The following LHFPL3 variants were observed in gnomAD, a reference collection of about 807,000 sequenced individuals.
LHFPL3 encodes LHFPL tetraspan subfamily member 3 protein.
Under a neutral mutation model 19.3 loss-of-function variants are expected in LHFPL3, and 5 were observed. The observed-to-expected ratio is 0.26, with a 90% confidence interval of 0.14 to 0.54. LHFPL3 has a LOEUF of 0.54. LHFPL3 is among the 20% of genes least tolerant of loss of function. The pLI is 0.94. For missense variants in LHFPL3, 249 were observed against 307.4 expected (o/e 0.81, Z 1.42); for synonymous variants, 133 against 126.2 (o/e 1.05, Z -0.36).
chr7:104,774,383 C>T (rs762507533), intron 2 of LHFPL3, among the ~76,000 whole-genome samples: 1 of 152,208 alleles, frequency 6.6e-6, no homozygotes, highest in Non-Finnish European at 1.5e-5. Context: ...CCTCACCTCA[C>T]AGTACAGATG....
intron 1 of LHFPL3, among the ~76,000 whole-genome samples, chr7:104,538,154 C>T (rs1325308037): frequency 6.6e-6 from 1 of 152,148 alleles, no homozygotes; most frequent in East Asian, 1.9e-4. Flanking sequence ...CATGAATCAC[C>T]ACTGCATAAT....
chr7:104,484,988 A>T (rs1793210421), intron 1 of LHFPL3, among the ~76,000 whole-genome samples: 1 of 152,196 alleles, frequency 6.6e-6, no homozygotes, highest in Non-Finnish European at 1.5e-5. Context: ...GACACATTCC[A>T]AGCATAGCAG....
chr7:104,772,109 C>T (rs1009433557), intron 2 of LHFPL3, among the ~76,000 whole-genome samples: 9 of 152,172 alleles, frequency 5.9e-5, no homozygotes, highest in East Asian at 5.8e-4. Flanking sequence ...TGAGCCACAA[C>T]GCCCGGCCCT....
chr7:104,480,278 A>G (rs1346378232), intron 1 of LHFPL3, among the ~76,000 whole-genome samples: 1 of 152,164 alleles, frequency 6.6e-6, no homozygotes, highest in East Asian at 1.9e-4. Context: ...TACATTTGCA[A>G]ATCATCTAGC....
At chr7:104,451,440 C>T (rs1424683817) in intron 1 of LHFPL3, among the ~76,000 whole-genome samples, 1 of 152,074 alleles carries the variant, frequency 6.6e-6, no homozygotes, top group Non-Finnish European at 1.5e-5. Context: ...TGCTATAATG[C>T]GGGTGATGAA....
chr7:104,782,956 A>C (rs1387860398), intron 2 of LHFPL3, among the ~76,000 whole-genome samples: 1 of 152,258 alleles, frequency 6.6e-6, no homozygotes, highest in Non-Finnish European at 1.5e-5. Flanking sequence ...GCGCACACAC[A>C]CACATGCACA....
At chr7:104,342,843 A>G (rs1015410663) in intron 1 of LHFPL3, among the ~76,000 whole-genome samples, 7 of 152,198 alleles carry the variant, frequency 4.6e-5, no homozygotes, top group African/African-American at 1.7e-4. Context: ...TGATAGTGCA[A>G]TTTAATTCAG....
At chr7:104,609,339 T>A (rs1434270466) in intron 1 of LHFPL3, among the ~76,000 whole-genome samples, 1 of 152,228 alleles carries the variant, frequency 6.6e-6, no homozygotes, top group Non-Finnish European at 1.5e-5. Context: ...CTCCTGTATT[T>A]TTATTTGCCA....
At chr7:104,861,324 T>C (rs1791615391) in intron 2 of LHFPL3, among the ~76,000 whole-genome samples, 1 of 152,234 alleles carries the variant, frequency 6.6e-6, no homozygotes, top group Non-Finnish European at 1.5e-5. Flanking sequence ...CCTTGGGAAG[T>C]ACATTTAACT....
At chr7:104,492,436 A>T (rs1431345457) in intron 1 of LHFPL3, among the ~76,000 whole-genome samples, 1 of 152,222 alleles carries the variant, frequency 6.6e-6, no homozygotes, top group African/African-American at 2.4e-5. Flanking sequence ...TCTGTTCAAG[A>T]CATGTCAGAC....
intron 1 of LHFPL3, among the ~76,000 whole-genome samples, chr7:104,572,551 A>G (rs934192163): frequency 6.6e-6 from 1 of 152,172 alleles, no homozygotes; most frequent in Non-Finnish European, 1.5e-5. Flanking sequence ...AACAATTTTT[A>G]TATAACCCAA....
At chr7:104,403,604 T>C (rs1399254211) in intron 1 of LHFPL3, among the ~76,000 whole-genome samples, 1 of 152,212 alleles carries the variant, frequency 6.6e-6, no homozygotes, top group Non-Finnish European at 1.5e-5. Context: ...TTATACTGTT[T>C]AAAAAGTGTT....
intron 1 of LHFPL3, among the ~76,000 whole-genome samples, chr7:104,479,416 A>C (rs2115650616): frequency 6.6e-6 from 1 of 151,306 alleles, no homozygotes. Context: ...TTTTGAGACA[A>C]AGTCTCACTC....
intron 1 of LHFPL3, among the ~76,000 whole-genome samples, chr7:104,330,631 T>C (rs1801549993): frequency 1.3e-5 from 2 of 152,166 alleles, no homozygotes; most frequent in African/African-American, 4.8e-5. Context: ...AAAGTGTGTA[T>C]GTGAAAAGCA....
At chr7:104,355,484 T>C (rs1790255584) in intron 1 of LHFPL3, among the ~76,000 whole-genome samples, 1 of 152,190 alleles carries the variant, frequency 6.6e-6, no homozygotes, top group Non-Finnish European at 1.5e-5. Context: ...TGAAACTAAA[T>C]TTTCATTTAG....
intron 1 of LHFPL3, among the ~76,000 whole-genome samples, chr7:104,724,858 G>C (rs1342785379): frequency 6.6e-6 from 1 of 152,138 alleles, no homozygotes; most frequent in Admixed American, 6.6e-5. Context: ...GCCTGAAGGA[G>C]ACCCGAAATA....
At chr7:104,436,225 C>A (rs1194497511) in intron 1 of LHFPL3, among the ~76,000 whole-genome samples, 3 of 151,998 alleles carry the variant, frequency 2.0e-5, no homozygotes, top group Non-Finnish European at 4.4e-5. Flanking sequence ...AATGAGGCTG[C>A]TAGAATATTT....
intron 1 of LHFPL3, among the ~76,000 whole-genome samples, chr7:104,366,825 G>A (rs17390505): frequency 0.078 from 11,862 of 152,220 alleles, 570 homozygotes; most frequent in East Asian, 0.13. Context: ...ACAGAAATGA[G>A]AACCTAGGTA....
At chr7:104,824,553 TATATA>T (rs1790772507) in intron 2 of LHFPL3, among the ~76,000 whole-genome samples, 1 of 65,488 alleles carries the variant, frequency 1.5e-5, no homozygotes, top group African/African-American at 5.8e-5. Context: ...TTATATATAA[TATATA>T]ATTATATATA....
Sources: gnomAD v4.1 joint callset for allele counts (sites outside exome capture counted in the v4.1 genomes callset) on GRCh38, gnomAD v4.1.1 for gene constraint, MANE v1.5 for transcripts, NCBI Gene and HGNC (gene_info 2026-07-23, HGNC 2026-07-21) for gene names.